LRRC7: variants seen among roughly 807,000 people sequenced by gnomAD.
LRRC7 encodes the protein leucine-rich repeat-containing protein 7.
In LRRC7, 23 loss-of-function variants were observed where a neutral mutation model predicts 175.7. The observed-to-expected ratio is 0.13, with a 90% confidence interval of 0.09 to 0.19. LRRC7 has a LOEUF of 0.19. Ranked by LOEUF, LRRC7 falls within the 10% of genes least tolerant of loss-of-function variation. The probability of loss-of-function intolerance (pLI) is 1.00; values close to 1 mark genes in which losing one functional copy is unlikely to be tolerated. For missense variants in LRRC7, 1,354 were observed against 1,904.7 expected (o/e 0.71, Z 5.38); for synonymous variants, 685 against 680.9 (o/e 1.01, Z -0.09).
intron 11 of LRRC7, among the ~76,000 whole-genome samples, chr1:69,997,322 G>A (rs1284717650): frequency 3.9e-5 from 6 of 151,922 alleles, no homozygotes; most frequent in South Asian, 2.1e-4. Flanking sequence ...GGGTTTTCTA[G>A]ATATACAATC....
chr1:69,717,841 A>AGAAGAAAGAAAGGAAAG lies in LRRC7; in HGVS notation c.100+39363_100+39364insGAAGAAAGAAAGGAAAG, dbSNP rs754934916. Among the ~76,000 whole-genome samples, 27 of 19,330 alleles carry AGAAGAAAGAAAGGAAAG rather than the reference A, an allele frequency of 1.4e-3. 5 individuals carry two copies. The highest frequency in any genetic ancestry group is 1.4e-3 in the Non-Finnish European group (17 of 11,740). 12.7% of individuals were successfully genotyped at this position (19,330 alleles called of 152,430 possible). ...AAGAAAGAAAGAAAGAAAGAAAGAA[A>AGAAGAAAGAAAGGAAAG]AAAGAAAGAAAGGAAAGAAAGAAAG... On this transcript the variant is annotated intron_variant, in intron 2 of 26. Coordinates refer to ENST00000651989, the MANE Select transcript of LRRC7 (RefSeq NM_001370785.2).
Position 70,135,452 on chromosome 1 carries a change from C to G in LRRC7, c.*13565C>G, listed in dbSNP as rs1479477587. ...ACAACAAATGGAAATATCATCTAGGCTGGGTTGGGGTGCAGGACCCCCAGC... is the reference window on the plus strand; with the variant it reads ...ACAACAAATGGAAATATCATCTAGGGTGGGTTGGGGTGCAGGACCCCCAGC... On this transcript the variant is annotated 3_prime_UTR_variant, in exon 27 of 27. Coordinates refer to ENST00000651989, the MANE Select transcript of LRRC7 (RefSeq NM_001370785.2). Among the ~76,000 whole-genome samples the G allele has an allele frequency of 1.3e-5, 2 of 152,144 alleles. No homozygotes were observed. The highest frequency in any genetic ancestry group is 4.8e-5 in the African/African-American group (2 of 41,430).
At chr1:69,576,895 C>T (rs1645974133) in intron 1 of LRRC7, among the ~76,000 whole-genome samples, 1 of 152,158 alleles carries the variant, frequency 6.6e-6, no homozygotes, top group South Asian at 2.1e-4. Context: ...GTCAACCTCT[C>T]CCAGTCCAGG....
In LRRC7 at chr1:69,930,818, G is replaced by C. The variant is rs189804903; in HGVS notation, c.648-689G>C. Among the ~76,000 whole-genome samples, 727 of 148,344 alleles carry C rather than the reference G, an allele frequency of 4.9e-3. 10 individuals carry two copies. The highest frequency in any genetic ancestry group is 0.018 in the African/African-American group (673 of 37,888). ...AGAGAGAACATGTGAAGGAGGAACT[G>C]TCAAACACTTATAAAACCTTCAGAT... is the stretch of plus-strand genomic sequence containing the variant. On this transcript the variant is annotated intron_variant, in intron 7 of 26. Transcript: ENST00000651989.
intron 7 of LRRC7, among the ~76,000 whole-genome samples, chr1:69,872,771 C>G (rs1056845384): frequency 6.6e-6 from 1 of 152,016 alleles, no homozygotes; most frequent in Non-Finnish European, 1.5e-5. Context: ...CAACCCAAAA[C>G]ATTATTTCAG....
intron 2 of LRRC7, among the ~76,000 whole-genome samples, chr1:69,702,263 A>C (rs148876818): frequency 9.3e-4 from 141 of 152,320 alleles, no homozygotes; most frequent in African/African-American, 3.3e-3. Context: ...TCACATGCCT[A>C]TCAGTTTACT....
At chr1:69,598,370 T>G (rs373119186) in intron 1 of LRRC7, among the ~76,000 whole-genome samples, 1 of 152,142 alleles carries the variant, frequency 6.6e-6, no homozygotes, top group Non-Finnish European at 1.5e-5. Flanking sequence ...TATATGAATA[T>G]ATATATTTAG....
At chr1:69,761,121 C>T (rs940449482) in intron 3 of LRRC7, among the ~76,000 whole-genome samples, 41 of 151,948 alleles carry the variant, frequency 2.7e-4, no homozygotes, top group African/African-American at 9.9e-4. Context: ...GACCACACAG[C>T]AGAGAAGTTC....
intron 1 of LRRC7, among the ~76,000 whole-genome samples, chr1:69,583,090 T>G (rs1646264793): frequency 6.6e-6 from 1 of 151,972 alleles, no homozygotes; most frequent in Non-Finnish European, 1.5e-5. Context: ...AAATTTTATT[T>G]TTTTATAATA....
chr1:69,886,579 A>G (rs1355458479), intron 7 of LRRC7, among the ~76,000 whole-genome samples: 9 of 150,748 alleles, frequency 6.0e-5, no homozygotes, highest in African/African-American at 1.9e-4. Context: ...CCAATTTGCC[A>G]GTCTGTGTCT....
intron 1 of LRRC7, among the ~76,000 whole-genome samples, chr1:69,662,839 C>T (rs972134433): frequency 5.3e-5 from 8 of 152,220 alleles, no homozygotes; most frequent in African/African-American, 1.7e-4. Context: ...GTTTGGTTCA[C>T]TGTGCTTCAA....
rs117559270 is a variant in LRRC7, at chr1:69,760,686, A to G, written c.303+293A>G. ...TAAAAATATAGAGTAGAGGGTTGAG[A>G]TCAATAGTTTATGTTTAGAAAGAAA... On this transcript the variant is annotated intron_variant, in intron 3 of 26. Coordinates refer to ENST00000651989, the MANE Select transcript of LRRC7 (RefSeq NM_001370785.2). Among the ~76,000 whole-genome samples, 50 of 152,076 alleles carry G rather than the reference A, an allele frequency of 3.3e-4. 2 individuals carry two copies. In the East Asian group the frequency reaches 5.1e-3, roughly 15 times the overall value.
intron 3 of LRRC7, among the ~76,000 whole-genome samples, chr1:69,781,688 G>GA (rs112404404): frequency 0.043 from 1,876 of 43,560 alleles, 202 homozygotes; most frequent in Middle Eastern, 0.068. Context: ...TCAAAAAAAA[G>GA]AAGAAAGAAA....
Position 69,645,934 on chromosome 1 carries a change from A to G in LRRC7, c.3-32447A>G, listed in dbSNP as rs562798334. ...GAATTTTTTCTTGTTCCAGATTGCA[A>G]ATTCCTCAAGGTCAAAGGCCATATT... On this transcript the variant is annotated intron_variant, in intron 1 of 26. Coordinates refer to ENST00000651989, the MANE Select transcript of LRRC7 (RefSeq NM_001370785.2). Among the ~76,000 whole-genome samples the G allele has an allele frequency of 3.9e-5, 6 of 152,234 alleles. No homozygotes were observed. In the South Asian group the frequency reaches 1.2e-3, roughly 32 times the overall value.
At chr1:69,576,729 G>A (rs956370566) in intron 1 of LRRC7, among the ~76,000 whole-genome samples, 5 of 152,122 alleles carry the variant, frequency 3.3e-5, no homozygotes, top group Non-Finnish European at 2.9e-5. Flanking sequence ...TTTGTAAAAT[G>A]GTTCTTATTC....
At position 69,984,798 on chromosome 1, in the gene LRRC7, A is replaced by G. The variant is rs374041803; in HGVS notation, c.787-1444A>G. ...TTCCCTGAAGTTACTACTTCTAAGC[A>G]TAAATCTGTTCATGTCATTCCCCAT... On this transcript the variant is annotated intron_variant, in intron 9 of 26. Transcript: ENST00000651989. Among the ~76,000 whole-genome samples, 102 of 152,344 alleles carry G rather than the reference A, an allele frequency of 6.7e-4. 2 individuals are homozygous for G. The South Asian group carries it at 0.02, about 30-fold the overall frequency.
intron 7 of LRRC7, chr1:69,839,007 T>C (rs1358809767): frequency 1.2e-5 from 3 of 252,170 alleles, no homozygotes; most frequent in Admixed American, 5.2e-5. Context: ...TATGTTATGA[T>C]GAAAATATTT....
chr1:69,751,313 T>C (rs979388819), intron 2 of LRRC7, among the ~76,000 whole-genome samples: 44 of 152,160 alleles, frequency 2.9e-4, no homozygotes, highest in African/African-American at 1.0e-3. Flanking sequence ...TAACATATAG[T>C]AGACAATTAA....
At position 70,034,342 on chromosome 1, in the gene LRRC7, A is replaced by G. The variant is rs963875906; in HGVS notation, c.1996-1779A>G. On this transcript the variant is annotated intron_variant, in intron 18 of 26. Transcript: ENST00000651989. ...AATAATTTTCAAAATCAATCAAAAT[A>G]AAGAAAATATGGCCTCTTTAAAAGG... is the stretch of plus-strand genomic sequence containing the variant. 4.0e-5 allele frequency among the ~76,000 whole-genome samples: 6 copies of G among 151,856 alleles called. No individual in the cohort carries two copies. The South Asian group carries it at 1.3e-3, about 32-fold the overall frequency.
Sources: gnomAD v4.1 joint callset for allele counts (sites outside exome capture counted in the v4.1 genomes callset) on GRCh38, gnomAD v4.1.1 for gene constraint, MANE v1.5 for transcripts, NCBI Gene and HGNC (gene_info 2026-07-23, HGNC 2026-07-21) for gene names.